The following MUC5B variants were observed in gnomAD, a reference collection of about 807,000 sequenced individuals.
MUC5B encodes the protein mucin-5B.
Under a neutral mutation model 376.9 loss-of-function variants are expected in MUC5B, and 116 were observed. The observed-to-expected ratio is 0.31, with a 90% CI of 0.26 to 0.36. MUC5B has a LOEUF of 0.36. Ranked by LOEUF, MUC5B falls within the 10% of genes least tolerant of loss-of-function variation. The pLI is 1.00. For synonymous variants in MUC5B, 3,517 were observed against 3,390.9 expected (o/e 1.04, Z -1.29); for missense variants, 7,165 against 7,769.9 (o/e 0.92, Z 2.93).
Position 1,260,410 on chromosome 11 carries a change from TTC to T in MUC5B, c.16966+18_16966+19del. ...GTGAGGAGGGTAAGTGGAAGCCACC[TTC>T]CCACACCAGCCCTCCAGCTCCAGCC... On this transcript the variant is annotated intron_variant, in intron 47 of 48. Transcript: ENST00000529681. 1.2e-6 allele frequency: 2 copies of T among 1,612,286 alleles called. No homozygotes were observed. The highest frequency in any genetic ancestry group is 1.7e-6 in the Non-Finnish European group (2 of 1,179,576).
Position 1,247,520 on chromosome 11 carries a change from A to C in MUC5B, c.10640A>C (p.Lys3547Thr). The change falls in exon 31 of 49, where the codon AAG (lysine) becomes ACG (threonine). Residue 3547 changes from lysine (K) to threonine (T), a missense_variant. By Grantham distance (78) the Lys-to-Thr change is moderately conservative (BLOSUM62 -1). This residue lies in a region of MUC5B where 939 missense variants were observed against 770.6 expected (regional missense o/e 1.22). Transcript: ENST00000529681. The part of the protein sequence containing the change: ...SRTTATATPS[K>T]TRTSTLLPSS... Reference sequence around the variant, plus strand: ...ACCACAGCCACAGCCACACCCAGCAAGACCCGCACCTCGACCCTGCTGCCC... The same window carrying C: ...ACCACAGCCACAGCCACACCCAGCACGACCCGCACCTCGACCCTGCTGCCC... 1 of 1,609,738 alleles carries C rather than the reference A, an allele frequency of 6.2e-7. No homozygotes were observed. The highest frequency in any genetic ancestry group is 1.1e-5 in the South Asian group (1 of 90,922).
At chr11:1,226,589 T>C (rs748330016) in intron 3 of MUC5B, 26 bp from the exon 4 acceptor site, 3 of 1,594,238 alleles carry the variant, frequency 1.9e-6, no homozygotes, top group Non-Finnish European at 2.6e-6. Flanking sequence ...GGCATGGGGA[T>C]GGGCCTCATC....
chr11:1,235,115 C>T lies in MUC5B; in HGVS notation c.2661C>T (p.Ser887=), dbSNP rs1289863132. 1 of 1,612,158 alleles carries T rather than the reference C, an allele frequency of 6.2e-7. No individual in the cohort carries two copies. Among genetic ancestry groups the T allele is most frequent in the Non-Finnish European group, 8.5e-7 (1 of 1,179,382 alleles). Residue 887 remains serine, a synonymous_variant, in exon 22 of 49, where the codon AGC becomes AGT. Transcript: ENST00000529681. ...CTCRNRRWEC[S]HRLCLGTCVA... ...GCAGGAACCGGAGGTGGGAGTGCAG[C>T]CACCGGCTCTGCCTGGGCACCTGCG...
chr11:1,235,098 C>T lies in MUC5B; in HGVS notation c.2644C>T (p.Arg882Trp), dbSNP rs770850006. 6 of 1,610,952 alleles carry T rather than the reference C, an allele frequency of 3.7e-6. No individual in the cohort carries two copies. The highest frequency in any genetic ancestry group is 1.1e-5 in the South Asian group (1 of 90,922). The change falls in exon 22 of 49, where the codon CGG (arginine) becomes TGG (tryptophan). Residue 882 changes from arginine to tryptophan, a missense_variant. Coordinates refer to ENST00000529681, the MANE Select transcript of MUC5B (RefSeq NM_002458.3). Reference protein sequence around the residue: ...VDCNTCTCRNRRWECSHRLCL... With the variant: ...VDCNTCTCRNWRWECSHRLCL... The stretch of plus-strand genomic sequence containing the variant: ...GGCCCCTTGCAGCACCTGCAGGAAC[C>T]GGAGGTGGGAGTGCAGCCACCGGCT...
rs375401200 is a variant in MUC5B, at chr11:1,244,175, C to T, written c.7295C>T (p.Thr2432Met). ...GCCATGCCCTCCTCCACTCCGGGGACGACCTGGATCCTCACAGAGCTGACC... is the reference window on the plus strand; with the variant it reads ...GCCATGCCCTCCTCCACTCCGGGGATGACCTGGATCCTCACAGAGCTGACC... Reference protein sequence around the residue: ...STAMPSSTPGTTWILTELTTT... With the variant: ...STAMPSSTPGMTWILTELTTT... Residue 2432 changes from threonine (T) to methionine (M), a missense_variant, in exon 31 of 49, where the codon ACG (threonine) becomes ATG (methionine). Thr to Met is a moderately conservative substitution (Grantham distance 81, BLOSUM62 -1). This residue lies in a region of MUC5B where 194 missense variants were observed against 268.5 expected (regional missense o/e 0.72). Coordinates refer to ENST00000529681, the MANE Select transcript of MUC5B (RefSeq NM_002458.3). 8.7e-5 allele frequency: 141 copies of T among 1,613,384 alleles called. No individual in the cohort carries two copies. The highest frequency in any genetic ancestry group is 3.2e-4 in the African/African-American group (24 of 74,972).
intron 31 of MUC5B, among the ~76,000 whole-genome samples, chr11:1,251,974 C>T (rs1203932174): frequency 6.6e-6 from 1 of 151,976 alleles, no homozygotes; most frequent in Non-Finnish European, 1.5e-5. Context: ...CACTTGGTCC[C>T]CACTGGCCAC....
chr11:1,240,815 T>C (rs56166347), intron 30 of MUC5B, 36 bp from the exon 31 acceptor site: 59,138 of 1,559,568 alleles, frequency 0.038, 1,307 homozygotes, highest in Non-Finnish European at 0.046. Flanking sequence ...GACTGGAGGA[T>C]GCTGAGCCAG....
intron 1 of MUC5B, 89 bp downstream of exon 1, chr11:1,223,282 G>A (rs531540600): frequency 4.3e-6 from 3 of 701,256 alleles, no homozygotes; most frequent in Non-Finnish European, 2.6e-6. Context: ...CTCCTGCAGA[G>A]TGCACGGGCA....
intron 48 of MUC5B, 81 bp from the exon 49 acceptor site, chr11:1,261,308 A>C: frequency 7.7e-7 from 1 of 1,294,392 alleles, no homozygotes; most frequent in South Asian, 1.3e-5. Context: ...CCAGGACCCC[A>C]GAGGCCCATG....
Position 1,245,904 on chromosome 11 carries a change from C to G in MUC5B, c.9024C>G (p.Ser3008=), listed in dbSNP as rs775223557. The G allele has an allele frequency of 1.3e-5, 21 of 1,613,102 alleles. No homozygotes were observed. In the Middle Eastern group the frequency reaches 9.9e-4, roughly 76 times the overall value. The change falls in exon 31 of 49, where the codon TCC becomes TCG. Residue 3008 remains serine (S), a synonymous_variant. Coordinates refer to ENST00000529681, the MANE Select transcript of MUC5B (RefSeq NM_002458.3). ...CCACTACGACCGCAACCACTGGATC[C>G]ACGGCCATCCCGTCCTCCACCCCGG... ...TAATTTATTG[S]TAIPSSTPGT...
Position 1,233,285 on chromosome 11 carries a change from A to G in MUC5B, c.2321+17A>G. 6.6e-7 allele frequency: 1 copy of G among 1,521,012 alleles called. No individual in the cohort carries two copies. The allele number at this position is 1,521,012 out of a possible 1,614,324, so 94.2% of individuals were successfully genotyped here. A position where few individuals can be genotyped will look rare whatever the true frequency, so the allele number is the denominator to read the frequency against. On this transcript the variant is annotated intron_variant, in intron 18 of 48. Transcript: ENST00000529681. Reference sequence around the variant, plus strand: ...CGCCGTGTGGTAAGGGTCTGGGGGGAAAGCAGGCCCCCCAGGTGCTCCTCA... The same window carrying G: ...CGCCGTGTGGTAAGGGTCTGGGGGGGAAGCAGGCCCCCCAGGTGCTCCTCA...
At chr11:1,251,814 G>C (rs1442176770) in intron 31 of MUC5B, 71 bp downstream of exon 31, 6 of 1,111,568 alleles carry the variant, frequency 5.4e-6, no homozygotes, top group Non-Finnish European at 6.4e-6. Flanking sequence ...TGCCTGTCCT[G>C]GGAGCCAGTG....
intron 39 of MUC5B, 130 bp downstream of exon 39, chr11:1,256,901 C>T: frequency 1.4e-6 from 1 of 715,792 alleles, no homozygotes; most frequent in African/African-American, 1.8e-5. Flanking sequence ...CTGTTCTGCC[C>T]CACCAGAGCA....
intron 11 of MUC5B, 105 bp downstream of exon 11, chr11:1,230,248 C>G (rs1861993387): frequency 7.0e-7 from 1 of 1,438,822 alleles, no homozygotes; most frequent in African/African-American, 1.4e-5. Context: ...GGGTGGATGT[C>G]CCTGCTGAGG....
rs370172242 is a variant in MUC5B at position 1,230,921 on chromosome 11, C to T, written c.1471-15C>T. On this transcript the variant is annotated splice_polypyrimidine_tract_variant and intron_variant, in intron 12 of 48. Coordinates refer to ENST00000529681, the MANE Select transcript of MUC5B (RefSeq NM_002458.3). ...TCCTCCCCAGAGCTGACCTCCCGCCCGCCTCCTTCCGCAGGCCATCCGGGT... is the reference window on the plus strand; with the variant it reads ...TCCTCCCCAGAGCTGACCTCCCGCCTGCCTCCTTCCGCAGGCCATCCGGGT... 2.1e-5 allele frequency: 33 copies of T among 1,577,314 alleles called. No individual in the cohort carries two copies. Among genetic ancestry groups the T allele is most frequent in the East Asian group, 4.7e-5 (2 of 42,508 alleles).
At position 1,258,900 on chromosome 11, in the gene MUC5B, G is replaced by A. The variant is rs1002099263; in HGVS notation, c.16594-42G>A. ...CATGGGGAGGGGTCCTGGCCCTGTT[G>A]CCCCACCAGTGCCCTCAGTGCCACC... is the stretch of plus-strand genomic sequence containing the variant. On this transcript the variant is annotated intron_variant, in intron 43 of 48. Coordinates refer to ENST00000529681, the MANE Select transcript of MUC5B (RefSeq NM_002458.3). The surrounding 1 kb of genome is among the most constrained non-coding windows in gnomAD (Gnocchi z 5.5). 1.3e-6 allele frequency: 2 copies of A among 1,548,380 alleles called. No homozygotes were observed. The highest frequency in any genetic ancestry group is 1.7e-6 in the Non-Finnish European group (2 of 1,146,358).
Position 1,226,806 on chromosome 11 carries a change from CGT to C in MUC5B, c.394_395del (p.Val132CysfsTer191), listed in dbSNP as rs1564930961. ...AGTGGGCTCCAGGCCTGTGGTCACC[CGT>C]GTTGTCATCAAGGCCCAGGGGCTGG... ...GLVGSRPVVTRVVIKAQGLVL... is the reference protein window; with the variant it reads ...GLVGSRPVVTXVVIKAQGLVL... On this transcript the variant is annotated frameshift_variant, in exon 4 of 49. Coordinates refer to ENST00000529681, the MANE Select transcript of MUC5B (RefSeq NM_002458.3). LOFTEE classifies it high-confidence loss of function. The C allele has an allele frequency of 6.2e-7, 1 of 1,611,732 alleles. No individual in the cohort carries two copies. The highest frequency in any genetic ancestry group is 1.1e-5 in the South Asian group (1 of 91,066).
rs1862125261 is a variant in MUC5B at position 1,235,087 on chromosome 11, C to T, written c.2633C>T (p.Thr878Ile). Residue 878 changes from threonine to isoleucine, a missense_variant and splice_region_variant, in exon 22 of 49, where the codon ACC (threonine) becomes ATC (isoleucine). This residue lies in a region of MUC5B where 530 missense variants were observed against 604.0 expected (regional missense o/e 0.88). Transcript: ENST00000529681. ...GGCACCATTGTGGCCCCTTGCAGCA[C>T]CTGCAGGAACCGGAGGTGGGAGTGC... ...ETIRVDCNTC[T>I]CRNRRWECSH... is the part of the protein sequence containing the mutation. 3.1e-6 allele frequency: 5 copies of T among 1,609,602 alleles called. No individual in the cohort carries two copies. Among genetic ancestry groups the T allele is most frequent in the Admixed American group, 1.7e-5 (1 of 59,710 alleles).
rs753423880 is a variant in MUC5B, at chr11:1,235,351, G to A, written c.2818G>A (p.Glu940Lys). The A allele has an allele frequency of 3.7e-6, 6 of 1,612,586 alleles. No homozygotes were observed. The highest frequency in any genetic ancestry group is 5.1e-6 in the Non-Finnish European group (6 of 1,179,800). ...CCACGGGACCTTCCGCATCGTCACCGAGAACATCCCCTGTGGGACCACCGG... is the reference window on the plus strand; with the variant it reads ...CCACGGGACCTTCCGCATCGTCACCAAGAACATCCCCTGTGGGACCACCGG... ...TTHGTFRIVT[E>K]NIPCGTTGTT... is the part of the protein sequence containing the mutation. Residue 940 changes from glutamate to lysine, a missense_variant, in exon 23 of 49, where the codon GAG (glutamate) becomes AAG (lysine). Physicochemically the swap from Glu to Lys is moderately conservative, Grantham distance 56. Around this residue, in one of 31 missense-constraint regions of MUC5B, gnomAD observed 530 missense variants for 604.0 expected, o/e 0.88. Coordinates refer to ENST00000529681, the MANE Select transcript of MUC5B (RefSeq NM_002458.3).
Sources: gnomAD v4.1 joint callset for allele counts (sites outside exome capture counted in the v4.1 genomes callset) on GRCh38, gnomAD v4.1.1 for gene constraint, gnomAD v4.1.1 regional missense constraint, Gnocchi (gnomAD v3.1) non-coding constraint, MANE v1.5 for transcripts, NCBI Gene and HGNC (gene_info 2026-07-23, HGNC 2026-07-21) for gene names.